OPCML: variants seen among roughly 807,000 people sequenced by gnomAD.
OPCML encodes opioid binding protein/cell adhesion molecule like, also known as opioid-binding protein/cell adhesion molecule.
In OPCML, 13 loss-of-function variants were observed where a neutral mutation model predicts 37.8. That is an observed-to-expected ratio of 0.34 (90% CI 0.22 to 0.55). The LOEUF (loss-of-function observed/expected upper bound fraction) is 0.55. Among genes scored for constraint, OPCML ranks in the 20% least tolerant of loss-of-function variants. The pLI is 0.91. For synonymous variants in OPCML, 176 were observed against 168.8 expected (o/e 1.04, Z -0.33); for missense variants, 341 against 435.6 (o/e 0.78, Z 1.93).
At chr11:132,794,671 C>G (rs925183413) in intron 2 of OPCML, among the ~76,000 whole-genome samples, 3 of 152,058 alleles carry the variant, frequency 2.0e-5, no homozygotes, top group African/African-American at 7.2e-5. Flanking sequence ...TCCCAGAACC[C>G]CTGCAAATAA....
chr11:132,558,731 T>C (rs1262646807), intron 3 of OPCML, among the ~76,000 whole-genome samples: 1 of 151,828 alleles, frequency 6.6e-6, no homozygotes, highest in Non-Finnish European at 1.5e-5. Flanking sequence ...GTGATCATTC[T>C]AAATGGCATA....
intron 1 of OPCML, among the ~76,000 whole-genome samples, chr11:133,148,000 G>A (rs1592049683): frequency 6.6e-6 from 1 of 152,136 alleles, no homozygotes; most frequent in South Asian, 2.1e-4. Context: ...CTGATGTTGG[G>A]AAGCCATGGT....
chr11:133,104,021 A>G (rs954507682), intron 1 of OPCML, among the ~76,000 whole-genome samples: 1 of 152,198 alleles, frequency 6.6e-6, no homozygotes, highest in Non-Finnish European at 1.5e-5. Context: ...AATCTTTTTC[A>G]TCATTCAAGA....
chr11:133,207,014 G>T (rs951839467), intron 1 of OPCML, among the ~76,000 whole-genome samples: 24 of 151,820 alleles, frequency 1.6e-4, no homozygotes, highest in African/African-American at 5.6e-4. Flanking sequence ...AGAGCCGGGC[G>T]CGGTGGCTCA....
intron 2 of OPCML, among the ~76,000 whole-genome samples, chr11:132,842,684 C>T (rs955672387): frequency 9.2e-5 from 14 of 152,212 alleles, no homozygotes; most frequent in African/African-American, 3.4e-4. Context: ...ATTTCTCTCA[C>T]CATACCCATT....
chr11:133,380,594 A>AT (rs1944909244), intron 1 of OPCML, among the ~76,000 whole-genome samples: 2 of 152,246 alleles, frequency 1.3e-5, no homozygotes, highest in East Asian at 1.9e-4. Flanking sequence ...CCATCAGTAC[A>AT]ATTTTTTAAT....
chr11:133,339,435 G>C (rs534893664), intron 1 of OPCML, among the ~76,000 whole-genome samples: 2 of 152,254 alleles, frequency 1.3e-5, no homozygotes, highest in East Asian at 3.9e-4. Flanking sequence ...ACCTCTCCAC[G>C]TGGCAGGGAG....
At position 133,034,316 on chromosome 11, in the gene OPCML, T is replaced by TATAG. The variant is rs1424374158; in HGVS notation, c.62-91307_62-91306insCTAT. 2.8e-5 allele frequency among the ~76,000 whole-genome samples: 4 copies of TATAG among 140,722 alleles called. No individual in the cohort carries two copies. In the East Asian group the frequency reaches 7.4e-4, roughly 26 times the overall value. The allele number at this position is 140,722 out of a possible 152,430, so 92.3% of individuals were successfully genotyped here. On this transcript the variant is annotated intron_variant, in intron 1 of 7. Transcript: ENST00000524381. ...GTAGCTCTGTATGTATAGGTGTGTG[T>TATAG]GTGTGTGTGTGTGTGTGTGTGTGTG...
intron 2 of OPCML, among the ~76,000 whole-genome samples, chr11:132,691,102 G>A (rs891448673): frequency 6.6e-6 from 1 of 152,124 alleles, no homozygotes; most frequent in Non-Finnish European, 1.5e-5. Flanking sequence ...CTATGAAGTA[G>A]GTGCTAACAT....
chr11:133,501,686 T>C (rs1591572765), intron 1 of OPCML, among the ~76,000 whole-genome samples: 1 of 151,844 alleles, frequency 6.6e-6, no homozygotes, highest in South Asian at 2.1e-4. Flanking sequence ...GCTGGCTTCA[T>C]GGGGGAGTGC....
At chr11:132,617,494 C>T (rs895075924) in intron 3 of OPCML, among the ~76,000 whole-genome samples, 1 of 152,146 alleles carries the variant, frequency 6.6e-6, no homozygotes, top group Non-Finnish European at 1.5e-5. Context: ...GTGATTGGCC[C>T]CTCCATGCAC....
chr11:132,467,547 G>A (rs1440997525), intron 4 of OPCML, among the ~76,000 whole-genome samples: 2 of 152,172 alleles, frequency 1.3e-5, no homozygotes, highest in Non-Finnish European at 2.9e-5. Context: ...GTTTATAGAT[G>A]TTTAAAATGT....
intron 2 of OPCML, among the ~76,000 whole-genome samples, chr11:132,730,242 A>G (rs1939507): frequency 0.7 from 106,105 of 151,760 alleles, 37,948 homozygotes; most frequent in African/African-American, 0.84. Flanking sequence ...CAGGTACCAA[A>G]TGCAGTTGAC....
intron 2 of OPCML, among the ~76,000 whole-genome samples, chr11:132,928,394 A>G (rs765752078): frequency 6.6e-6 from 1 of 152,028 alleles, no homozygotes; most frequent in East Asian, 1.9e-4. Context: ...GATGTTATAT[A>G]ATAATAAAGA....
chr11:133,466,704 A>G (rs560847381), intron 1 of OPCML, among the ~76,000 whole-genome samples: 49 of 152,214 alleles, frequency 3.2e-4, no homozygotes, highest in Non-Finnish European at 5.0e-4. Context: ...ATTAATGTAA[A>G]TTTAGATAAA....
chr11:132,446,968 G>A (rs892073560), intron 4 of OPCML, among the ~76,000 whole-genome samples: 2 of 152,150 alleles, frequency 1.3e-5, no homozygotes, highest in Non-Finnish European at 2.9e-5. Flanking sequence ...GGCGTGGTCA[G>A]TGGACTGCCA....
chr11:132,424,086 A>C (rs2095969451), intron 7 of OPCML, among the ~76,000 whole-genome samples: 1 of 151,994 alleles, frequency 6.6e-6, no homozygotes, highest in Admixed American at 6.6e-5. Context: ...AATTGGAAGA[A>C]AGGTGATTCT....
intron 1 of OPCML, among the ~76,000 whole-genome samples, chr11:133,121,468 G>A (rs995530198): frequency 1.2e-4 from 19 of 152,274 alleles, no homozygotes; most frequent in African/African-American, 4.6e-4. Flanking sequence ...GTCCCAGCTG[G>A]GAAAACTGGG....
Position 132,963,657 on chromosome 11 carries a change from A to T in OPCML, c.62-20647T>A, listed in dbSNP as rs60250796. On this transcript the variant is annotated intron_variant, in intron 1 of 7. Coordinates refer to ENST00000524381, the MANE Select transcript of OPCML (RefSeq NM_001012393.5). The stretch of plus-strand genomic sequence containing the variant: ...CCTTCCTGCTTCCACTTCCTTCACC[A>T]TTCTTATATAGAGGAAGAGAAAAGT... Among the ~76,000 whole-genome samples the T allele has an allele frequency of 6.0e-3, 914 of 151,554 alleles. 10 individuals carry two copies. Among genetic ancestry groups the T allele is most frequent in the African/African-American group, 0.021 (870 of 41,276 alleles).
Sources: allele counts gnomAD v4.1 joint callset (sites outside exome capture counted in the v4.1 genomes callset), GRCh38; gene constraint gnomAD v4.1.1; transcripts MANE v1.5; gene names NCBI Gene and HGNC (gene_info 2026-07-23, HGNC 2026-07-21).